PPARGC1A: variants seen among roughly 807,000 people sequenced by gnomAD.
PPARGC1A encodes the protein peroxisome proliferator-activated receptor gamma coactivator 1-alpha.
PPARGC1A carries 25 observed loss-of-function variants against 88.7 expected under a neutral mutation model. The ratio of observed to expected loss-of-function variants is 0.28; its 90% CI spans 0.21 to 0.39. The LOEUF (loss-of-function observed/expected upper bound fraction) is 0.39, where lower values mean the gene tolerates loss of function less well. PPARGC1A is among the 10% of genes least tolerant of loss of function. PPARGC1A has a pLI of 1.00. For synonymous variants in PPARGC1A, 363 were observed against 355.6 expected, an observed-to-expected ratio of 1.02 and a Z score of -0.24; for missense variants, 880 against 968.7, an observed-to-expected ratio of 0.91 and a Z score of 1.22.
the PPARGC1A span, among the ~76,000 whole-genome samples, chr4:24,177,655 A>G: frequency 4.0e-5 from 4 of 100,416 alleles, no homozygotes; most frequent in South Asian, 1.1e-3. Context: ...AAATAAATAA[A>G]TAAATAAATA....
chr4:24,412,324 A>T, the PPARGC1A span, among the ~76,000 whole-genome samples: 1 of 152,228 alleles, frequency 6.6e-6, no homozygotes, highest in Admixed American at 6.5e-5. Context: ...CAGAGGTCAA[A>T]TTTCACCCAC....
chr4:24,459,729 T>G, the PPARGC1A span, among the ~76,000 whole-genome samples: 6,530 of 152,314 alleles, frequency 0.043, 186 homozygotes, highest in South Asian at 0.067. Flanking sequence ...AGATTCAATC[T>G]GCAGTTAGCC....
At chr4:24,163,743 C>T in the PPARGC1A span, among the ~76,000 whole-genome samples, 1 of 152,316 alleles carries the variant, frequency 6.6e-6, no homozygotes, top group East Asian at 1.9e-4. Context: ...TTCCTACTTA[C>T]AGATCAAAGC....
the PPARGC1A span, among the ~76,000 whole-genome samples, chr4:23,979,157 A>G: frequency 6.6e-6 from 1 of 152,216 alleles, no homozygotes; most frequent in Non-Finnish European, 1.5e-5. Flanking sequence ...TAATTATTGA[A>G]GAACACTAGC....
intron 2 of PPARGC1A, among the ~76,000 whole-genome samples, chr4:23,844,350 TATA>T (rs1350136508): frequency 1.5e-5 from 2 of 137,674 alleles, no homozygotes; most frequent in Non-Finnish European, 3.1e-5. Context: ...TATATTATAA[TATA>T]ATAATCTATA....
the PPARGC1A span, among the ~76,000 whole-genome samples, chr4:24,411,922 C>T: frequency 6.6e-6 from 1 of 152,200 alleles, no homozygotes; most frequent in Non-Finnish European, 1.5e-5. Context: ...CTACTAAGGA[C>T]ATCTTGGTTG....
intron 2 of PPARGC1A, among the ~76,000 whole-genome samples, chr4:23,837,017 T>A (rs2148583770): frequency 6.6e-6 from 1 of 152,274 alleles, no homozygotes; most frequent in East Asian, 1.9e-4. Context: ...ATGTTAGTAA[T>A]TTTTTCTGGA....
the PPARGC1A span, among the ~76,000 whole-genome samples, chr4:24,441,997 G>C: frequency 1.3e-5 from 2 of 152,228 alleles, no homozygotes; most frequent in Non-Finnish European, 2.9e-5. Context: ...CAACGTATCA[G>C]TTATGCAAAG....
In PPARGC1A at chr4:23,814,619, T is replaced by TAAAA. The variant is rs11290186; in HGVS notation, c.878-18_878-15dup. ...GTGGAGTTAGGCCTAAGGCAAAAATTAAAAAAAAAAAAAAAAAGAGAGAGA... is the reference window on the plus strand; with the variant it reads ...GTGGAGTTAGGCCTAAGGCAAAAATTAAAAAAAAAAAAAAAAAAAAAGAGAGAGA... On this transcript the variant is annotated splice_polypyrimidine_tract_variant and intron_variant, in intron 7 of 12. Coordinates refer to ENST00000264867, the MANE Select transcript of PPARGC1A (RefSeq NM_013261.5). 4 of 1,181,228 alleles carry TAAAA rather than the reference T, an allele frequency of 3.4e-6. No individual in the cohort carries two copies. Among genetic ancestry groups the TAAAA allele is most frequent in the Middle Eastern group, 3.1e-4 (1 of 3,220 alleles). 73.2% of individuals were successfully genotyped at this position (1,181,228 alleles called of 1,614,324 possible). A position where few individuals can be genotyped will look rare whatever the true frequency, so the allele number is the denominator to read the frequency against.
At chr4:24,461,264 A>G in the PPARGC1A span, among the ~76,000 whole-genome samples, 1 of 152,254 alleles carries the variant, frequency 6.6e-6, no homozygotes, top group South Asian at 2.1e-4. Flanking sequence ...ATTATTATCA[A>G]CCAAGTTTGA....
chr4:24,068,617 G>C, the PPARGC1A span, among the ~76,000 whole-genome samples: 14 of 152,300 alleles, frequency 9.2e-5, no homozygotes, highest in Admixed American at 9.1e-4. Context: ...GTGCACATGT[G>C]TTTATATTGT....
chr4:24,350,634 A>G, the PPARGC1A span, among the ~76,000 whole-genome samples: 1 of 152,184 alleles, frequency 6.6e-6, no homozygotes, highest in African/African-American at 2.4e-5. Context: ...AAAGATGAAA[A>G]CAAAACAAAC....
chr4:23,838,288 C>A (rs967755759), intron 2 of PPARGC1A, among the ~76,000 whole-genome samples: 1 of 152,102 alleles, frequency 6.6e-6, no homozygotes, highest in Non-Finnish European at 1.5e-5. Context: ...AGTGTGGGCA[C>A]TGACAGTATA....
At chr4:24,018,247 G>A in the PPARGC1A span, among the ~76,000 whole-genome samples, 1 of 152,126 alleles carries the variant, frequency 6.6e-6, no homozygotes, top group Middle Eastern at 3.2e-3. Context: ...ACTTGATATA[G>A]AACTATTCTC....
the PPARGC1A span, among the ~76,000 whole-genome samples, chr4:24,465,220 G>C: frequency 6.6e-6 from 1 of 152,108 alleles, no homozygotes; most frequent in Non-Finnish European, 1.5e-5. Flanking sequence ...ACACAAAAAG[G>C]GTGGGGGTGG....
chr4:24,344,103 TTATATA>T, the PPARGC1A span, among the ~76,000 whole-genome samples: 2 of 151,152 alleles, frequency 1.3e-5, no homozygotes. Flanking sequence ...TAGTATTCCA[TTATATA>T]TATATATATA....
the PPARGC1A span, among the ~76,000 whole-genome samples, chr4:24,406,309 A>G: frequency 6.6e-6 from 1 of 152,174 alleles, no homozygotes; most frequent in South Asian, 2.1e-4. Flanking sequence ...CCTACCCCCA[A>G]GTGAATCCTA....
At chr4:23,929,470 G>A in the PPARGC1A span, among the ~76,000 whole-genome samples, 1 of 152,170 alleles carries the variant, frequency 6.6e-6, no homozygotes, top group Non-Finnish European at 1.5e-5. Flanking sequence ...TGAATTGCTT[G>A]GAAAAATAAA....
Position 23,856,459 on chromosome 4 carries a change from G to A in PPARGC1A, c.235-24708C>T, listed in dbSNP as rs572189108. ...CCATGCTCAAAGCTGCAGGACACTC[G>A]GAGAAGTCACATTGTGATTGCTTGT... On this transcript the variant is annotated intron_variant, in intron 2 of 12. Transcript: ENST00000264867. Among the ~76,000 whole-genome samples the A allele has an allele frequency of 3.3e-5, 5 of 152,248 alleles. No homozygotes were observed. In the East Asian group the frequency reaches 5.8e-4, roughly 18 times the overall value.
Sources: allele counts gnomAD v4.1 joint callset (sites outside exome capture counted in the v4.1 genomes callset), GRCh38; gene constraint gnomAD v4.1.1; transcripts MANE v1.5; gene names NCBI Gene and HGNC (gene_info 2026-07-23, HGNC 2026-07-21).